The following OSBPL8 variants were observed in gnomAD, a reference collection of about 807,000 sequenced individuals.
OSBPL8 encodes oxysterol binding protein like 8.
OSBPL8 carries 59 observed loss-of-function variants against 125.5 expected under a neutral mutation model. The observed-to-expected ratio is 0.47, with a 90% CI of 0.38 to 0.58. The LOEUF (loss-of-function observed/expected upper bound fraction) is 0.58, where lower values mean the gene tolerates loss of function less well. Among genes scored for constraint, OSBPL8 ranks in the 20% least tolerant of loss-of-function variants. The pLI, the probability that OSBPL8 is intolerant of heterozygous loss-of-function variation, is 0.00. For missense variants in OSBPL8, 758 were observed against 1,047.8 expected (o/e 0.72, Z 3.82); for synonymous variants, 330 against 338.9 (o/e 0.97, Z 0.29).
At chr12:76,410,445 G>T in intron 5 of OSBPL8, 119 bp downstream of exon 5, 1 of 694,018 alleles carries the variant, frequency 1.4e-6, no homozygotes, top group Non-Finnish European at 2.5e-6. Flanking sequence ...CACACTACAT[G>T]GTTCAGATGT....
intron 4 of OSBPL8, among the ~76,000 whole-genome samples, chr12:76,417,450 CT>C (rs1168851846): frequency 6.6e-6 from 1 of 152,162 alleles, no homozygotes; most frequent in Admixed American, 6.5e-5. Flanking sequence ...TACTTAAAGA[CT>C]TTTTATCCTA....
intron 4 of OSBPL8, chr12:76,422,744 G>A (rs527510918): frequency 3.1e-5 from 12 of 382,210 alleles, no homozygotes; most frequent in African/African-American, 2.5e-4. Context: ...TCCAACTGTA[G>A]CAAAACCCAC....
chr12:76,481,304 T>C (rs1174880140), intron 2 of OSBPL8, among the ~76,000 whole-genome samples: 6 of 152,228 alleles, frequency 3.9e-5, no homozygotes, highest in South Asian at 2.1e-4. Flanking sequence ...AGAAGTGCTA[T>C]TGTACAACAA....
At chr12:76,393,710 C>CAAAAA (rs11423585) in intron 9 of OSBPL8, among the ~76,000 whole-genome samples, 3 of 52,292 alleles carry the variant, frequency 5.7e-5, no homozygotes, top group African/African-American at 1.3e-4. Flanking sequence ...GACTCCGTTT[C>CAAAAA]AAAAAAAAAA....
intron 4 of OSBPL8, among the ~76,000 whole-genome samples, chr12:76,418,611 A>C (rs1869045249): frequency 6.6e-6 from 1 of 152,094 alleles, no homozygotes; most frequent in South Asian, 2.1e-4. Flanking sequence ...TGGGCAGATC[A>C]CTTGAAGTCA....
At chr12:76,434,008 CAT>C in intron 4 of OSBPL8, among the ~76,000 whole-genome samples, 1 of 147,174 alleles carries the variant, frequency 6.8e-6, no homozygotes, top group Non-Finnish European at 1.5e-5. Flanking sequence ...TCCTAAAACT[CAT>C]ATGAAATCAC....
chr12:76,380,485 G>C (rs1375821562), intron 15 of OSBPL8, among the ~76,000 whole-genome samples: 2 of 133,438 alleles, frequency 1.5e-5, no homozygotes, highest in African/African-American at 5.6e-5. Flanking sequence ...AGGATCCCTT[G>C]AGCTCAGGAG....
At chr12:76,555,374 C>T (rs985520893) in intron 1 of OSBPL8, among the ~76,000 whole-genome samples, 1 of 150,280 alleles carries the variant, frequency 6.7e-6, no homozygotes, top group Non-Finnish European at 1.5e-5. Context: ...AATTAGGCCT[C>T]ATTTCTACCA....
intron 1 of OSBPL8, among the ~76,000 whole-genome samples, chr12:76,520,029 T>C (rs1881916230): frequency 6.6e-6 from 1 of 152,090 alleles, no homozygotes. Context: ...GTTTCCCCTC[T>C]CACCTACCTC....
At chr12:76,487,393 T>C in intron 2 of OSBPL8, 117 bp downstream of exon 2, 1 of 773,792 alleles carries the variant, frequency 1.3e-6, no homozygotes, top group Non-Finnish European at 2.0e-6. Flanking sequence ...AAAGCATTAT[T>C]TTAAAAATAC....
chr12:76,549,839 T>C (rs1950885641), intron 1 of OSBPL8, among the ~76,000 whole-genome samples: 1 of 152,076 alleles, frequency 6.6e-6, no homozygotes. Flanking sequence ...TTACACAGAA[T>C]TCGGAAAGTT....
At chr12:76,398,222 C>T (rs1195030521) in intron 7 of OSBPL8, among the ~76,000 whole-genome samples, 1 of 152,134 alleles carries the variant, frequency 6.6e-6, no homozygotes, top group East Asian at 1.9e-4. Context: ...TTTTCTAACA[C>T]TGATCATGGC....
At position 76,456,770 on chromosome 12, in the gene OSBPL8, TAAAGAA is replaced by T. The variant is rs1320943340; in HGVS notation, c.79+3083_79+3088del. Among the ~76,000 whole-genome samples, 3 of 152,126 alleles carry T rather than the reference TAAAGAA, an allele frequency of 2.0e-5. No homozygotes were observed. The East Asian group carries it at 5.8e-4, about 29-fold the overall frequency. On this transcript the variant is annotated intron_variant, in intron 3 of 23. Transcript: ENST00000261183. The stretch of plus-strand genomic sequence containing the variant: ...TATGTAATACAATATATACATAAGC[TAAAGAA>T]AATGTTATTAAGAAAATCATAAGAG...
At chr12:76,531,382 A>G (rs1429031086) in intron 1 of OSBPL8, among the ~76,000 whole-genome samples, 2 of 152,234 alleles carry the variant, frequency 1.3e-5, no homozygotes, top group Non-Finnish European at 2.9e-5. Context: ...CAATGGTAAT[A>G]AAGTATTCCC....
At chr12:76,533,367 G>T (rs875718) in intron 1 of OSBPL8, among the ~76,000 whole-genome samples, 15,501 of 152,064 alleles carry the variant, frequency 0.1, 848 homozygotes, top group Admixed American at 0.12. Context: ...TACTACTCAA[G>T]GTGCCTTCTC....
At chr12:76,431,115 T>C (rs890802799) in intron 4 of OSBPL8, among the ~76,000 whole-genome samples, 6 of 151,750 alleles carry the variant, frequency 4.0e-5, no homozygotes, top group Admixed American at 3.9e-4. Context: ...ATTACATAAG[T>C]ATGAGGTGGG....
chr12:76,412,752 C>T (rs1281487574), intron 4 of OSBPL8, among the ~76,000 whole-genome samples: 1 of 152,130 alleles, frequency 6.6e-6, no homozygotes, highest in African/African-American at 2.4e-5. Context: ...AAAACTAAAG[C>T]TCACAGAAAT....
chr12:76,383,345 C>T (rs929012548), intron 15 of OSBPL8, among the ~76,000 whole-genome samples: 6 of 149,526 alleles, frequency 4.0e-5, no homozygotes, highest in Non-Finnish European at 7.4e-5. Flanking sequence ...TATAGATAAA[C>T]TTAAGGGGAA....
chr12:76,413,099 C>A (rs1304062956), intron 4 of OSBPL8, among the ~76,000 whole-genome samples: 3 of 152,070 alleles, frequency 2.0e-5, no homozygotes, highest in Admixed American at 6.6e-5. Context: ...AGAAAGAACT[C>A]CATTTTTACT....
Sources: gnomAD v4.1 joint callset for allele counts (sites outside exome capture counted in the v4.1 genomes callset) on GRCh38, gnomAD v4.1.1 for gene constraint, MANE v1.5 for transcripts, NCBI Gene and HGNC (gene_info 2026-07-23, HGNC 2026-07-21) for gene names.